Variants in SAXO1 observed in about 807,000 individuals in gnomAD.
SAXO1 encodes the protein 4930500O09Rik.
In SAXO1, 21 loss-of-function variants were observed where a neutral mutation model predicts 17.5. The ratio of observed to expected loss-of-function variants is 1.20; its 90% CI spans 0.85 to 1.72. The LOEUF (loss-of-function observed/expected upper bound fraction) is 1.72. SAXO1 is among the 40% of genes most tolerant of loss of function. The pLI is 0.00. For synonymous variants in SAXO1, 274 were observed against 216.5 expected (o/e 1.27, Z -2.33); for missense variants, 843 against 596.0 (o/e 1.41, Z -4.32).
In SAXO1 at chr9:18,928,215, A is replaced by G. The variant is rs1830850422; in HGVS notation, c.1262T>C (p.Leu421Pro). 4.3e-6 allele frequency: 7 copies of G among 1,614,172 alleles called. 1 individual carries two copies. The East Asian group carries it at 1.6e-4, about 36-fold the overall frequency. The change falls in exon 4 of 4, where the codon CTA (leucine) becomes CCA (proline). Residue 421 changes from leucine to proline, a missense_variant. Coordinates refer to ENST00000380534, the MANE Select transcript of SAXO1 (RefSeq NM_153707.4). ...GCCAGGAGGCTCAGGATATGAAGCT[A>G]GGCACCTGCCCATTTCCTTGGGAGT... ...SFTPKEMGRC[L>P]ASYPEPPGYT...
chr9:18,950,568 A>G (rs1305939863), intron 2 of SAXO1, among the ~76,000 whole-genome samples, 190 bp downstream of exon 2: 2 of 152,236 alleles, frequency 1.3e-5, no homozygotes, highest in Non-Finnish European at 2.9e-5. Flanking sequence ...GAATTTGGAA[A>G]AAACTGAGAA....
At chr9:18,961,216 G>C (rs1160423970) in intron 1 of SAXO1, among the ~76,000 whole-genome samples, 1 of 151,504 alleles carries the variant, frequency 6.6e-6, no homozygotes, top group East Asian at 1.9e-4. Context: ...AGCCAGGCTA[G>C]AGTGCAGTGG....
intron 1 of SAXO1, among the ~76,000 whole-genome samples, chr9:19,045,101 G>C (rs1485327456): frequency 6.7e-6 from 1 of 149,980 alleles, no homozygotes; most frequent in Middle Eastern, 3.4e-3. Flanking sequence ...ATGAGGTCAG[G>C]AGATCGAGAC....
intron 1 of SAXO1, among the ~76,000 whole-genome samples, chr9:18,973,723 C>T (rs1833033983): frequency 6.6e-6 from 1 of 152,240 alleles, no homozygotes; most frequent in Admixed American, 6.5e-5. Flanking sequence ...TCCAAAGCTA[C>T]TCACTTGGGT....
At chr9:18,936,359 C>G (rs1162743860) in intron 3 of SAXO1, among the ~76,000 whole-genome samples, 5 of 152,076 alleles carry the variant, frequency 3.3e-5, no homozygotes, top group Non-Finnish European at 7.4e-5. Flanking sequence ...TGTTTCCTGC[C>G]CACCCCGGCC....
At chr9:19,022,624 G>A (rs1340966592) in intron 1 of SAXO1, among the ~76,000 whole-genome samples, 1 of 152,102 alleles carries the variant, frequency 6.6e-6, no homozygotes, top group Non-Finnish European at 1.5e-5. Context: ...TACTCATAAT[G>A]GGTAGTTTCT....
intron 1 of SAXO1, among the ~76,000 whole-genome samples, chr9:19,040,076 G>T (rs1836040456): frequency 6.6e-6 from 1 of 152,088 alleles, no homozygotes; most frequent in Non-Finnish European, 1.5e-5. Flanking sequence ...ATGTTCCAAG[G>T]CACGGTGCAC....
intron 1 of SAXO1, among the ~76,000 whole-genome samples, chr9:18,957,924 C>T (rs1043892483): frequency 7.9e-5 from 12 of 152,224 alleles, no homozygotes; most frequent in Non-Finnish European, 1.5e-4. Context: ...TTATGATATA[C>T]CCAGAGGCCA....
intron 1 of SAXO1, among the ~76,000 whole-genome samples, chr9:18,961,198 G>A (rs977939487): frequency 1.3e-5 from 2 of 150,436 alleles, no homozygotes; most frequent in African/African-American, 4.9e-5. Context: ...GGGGGTTCTC[G>A]CTCTGTCAGC....
At chr9:19,027,113 C>G in intron 1 of SAXO1, 1 of 971,190 alleles carries the variant, frequency 1.0e-6, no homozygotes, top group Non-Finnish European at 1.7e-6. Flanking sequence ...TGTACCTTGT[C>G]TCCAACATCA....
Position 18,962,462 on chromosome 9 carries a change from GTTCACATCA to G in SAXO1, c.39-11534_39-11526del, listed in dbSNP as rs1378689313. On this transcript the variant is annotated intron_variant, in intron 1 of 3. Transcript: ENST00000380534. The stretch of plus-strand genomic sequence containing the variant: ...ACATGTCTTCTTTTGAGAAGTGTCT[GTTCACATCA>G]TTCACCCACTTTTTGATGGGTGAAT... Among the ~76,000 whole-genome samples the G allele has an allele frequency of 5.9e-5, 9 of 152,322 alleles. No homozygotes were observed. In the East Asian group the frequency reaches 1.5e-3, roughly 26 times the overall value.
At chr9:18,964,839 T>A (rs1288549876) in intron 1 of SAXO1, among the ~76,000 whole-genome samples, 1 of 152,210 alleles carries the variant, frequency 6.6e-6, no homozygotes, top group Non-Finnish European at 1.5e-5. Flanking sequence ...TTCTTTTAAT[T>A]GTGATGTTAG....
intron 3 of SAXO1, among the ~76,000 whole-genome samples, chr9:18,929,961 C>A (rs543076305): frequency 9.2e-5 from 14 of 152,306 alleles, no homozygotes; most frequent in Admixed American, 3.3e-4. Flanking sequence ...CACAATAACC[C>A]TTTGTGATGG....
intron 1 of SAXO1, among the ~76,000 whole-genome samples, chr9:19,000,290 GC>G (rs1834206409): frequency 6.7e-6 from 1 of 148,228 alleles, no homozygotes. Context: ...CTGCCCAGCC[GC>G]CCCACCCTCT....
At chr9:19,018,700 G>C (rs1835100141) in intron 1 of SAXO1, among the ~76,000 whole-genome samples, 1 of 152,190 alleles carries the variant, frequency 6.6e-6, no homozygotes, top group Non-Finnish European at 1.5e-5. Context: ...AGTTATCCAA[G>C]GACTCTCAGA....
chr9:19,011,064 T>C (rs1052635717), intron 1 of SAXO1, among the ~76,000 whole-genome samples: 3 of 152,188 alleles, frequency 2.0e-5, no homozygotes, highest in Admixed American at 2.0e-4. Context: ...CTGCATTGCT[T>C]TCTAATTGTT....
intron 1 of SAXO1, among the ~76,000 whole-genome samples, chr9:18,960,265 G>C (rs1251629651): frequency 6.6e-6 from 1 of 152,198 alleles, no homozygotes; most frequent in Non-Finnish European, 1.5e-5. Flanking sequence ...TCACCTCAGA[G>C]GGAGACACAG....
intron 3 of SAXO1, among the ~76,000 whole-genome samples, chr9:18,934,552 C>G (rs532713054): frequency 6.6e-6 from 1 of 152,274 alleles, no homozygotes; most frequent in South Asian, 2.1e-4. Context: ...ATTTGATGAG[C>G]AATTGTTGTC....
At chr9:18,974,074 T>C (rs6475295) in intron 1 of SAXO1, among the ~76,000 whole-genome samples, 112,951 of 152,132 alleles carry the variant, frequency 0.74, 42,167 homozygotes, top group Non-Finnish European at 0.79. Context: ...TGTGCCCTTA[T>C]GGCCAAGGAA....
Sources: gnomAD v4.1 joint callset for allele counts (sites outside exome capture counted in the v4.1 genomes callset) on GRCh38, gnomAD v4.1.1 for gene constraint, MANE v1.5 for transcripts, NCBI Gene and HGNC (gene_info 2026-07-23, HGNC 2026-07-21) for gene names.